DYNC2H1: variants seen among roughly 807,000 people sequenced by gnomAD.
The protein encoded by DYNC2H1 is cytoplasmic dynein 2 heavy chain 1.
In DYNC2H1, 410 loss-of-function variants were observed where a neutral mutation model predicts 570.0. The observed-to-expected ratio is 0.72, with a 90% CI of 0.66 to 0.78. The LOEUF (loss-of-function observed/expected upper bound fraction) is 0.78, where lower values mean the gene tolerates loss of function less well. DYNC2H1 is among the 30% of genes least tolerant of loss of function. The pLI is 0.00. For missense variants in DYNC2H1, 4,865 were observed against 5,046.4 expected (o/e 0.96, Z 1.09); for synonymous variants, 1,688 against 1,677.6 (o/e 1.01, Z -0.15).
intron 84 of DYNC2H1, chr11:103,403,019 T>C (rs1942705684): frequency 1.3e-5 from 2 of 151,974 alleles, no homozygotes; most frequent in African/African-American, 4.8e-5. Flanking sequence ...CCCGAGGAGA[T>C]TGGTCGAGGC....
intron 60 of DYNC2H1, among the ~76,000 whole-genome samples, chr11:103,233,724 G>A (rs1459668742): frequency 6.6e-6 from 1 of 151,660 alleles, no homozygotes; most frequent in Non-Finnish European, 1.5e-5. Flanking sequence ...AAGACAGATG[G>A]GATGTTTAGG....
chr11:103,216,018 A>C, intron 55 of DYNC2H1, 160 bp downstream of exon 55: 3 of 869,862 alleles, frequency 3.4e-6, no homozygotes, highest in East Asian at 5.5e-5. Flanking sequence ...GTGGAAGGGC[A>C]TGGTATTTTC....
chr11:103,242,338 G>C (rs1864454536), intron 63 of DYNC2H1, among the ~76,000 whole-genome samples: 1 of 152,014 alleles, frequency 6.6e-6, no homozygotes, highest in Non-Finnish European at 1.5e-5. Flanking sequence ...TGTAATAAAA[G>C]TTAAGTGAAT....
intron 79 of DYNC2H1, among the ~76,000 whole-genome samples, chr11:103,315,424 C>T (rs747715121): frequency 1.3e-5 from 2 of 152,000 alleles, no homozygotes; most frequent in African/African-American, 4.8e-5. Flanking sequence ...CCTTCCCAAA[C>T]CTTGTATTCT....
intron 83 of DYNC2H1, among the ~76,000 whole-genome samples, chr11:103,388,487 T>A (rs1270713251): frequency 6.6e-6 from 1 of 152,084 alleles, no homozygotes; most frequent in African/African-American, 2.4e-5. Flanking sequence ...TAATTGAATA[T>A]CCTTTATTTC....
intron 17 of DYNC2H1, among the ~76,000 whole-genome samples, chr11:103,138,157 A>G (rs893576192): frequency 1.3e-5 from 2 of 152,132 alleles, no homozygotes; most frequent in South Asian, 2.1e-4. Context: ...TAGATATCCA[A>G]TCATGTCATC....
Position 103,263,535 on chromosome 11 carries a change from T to C in DYNC2H1, c.10695+3558T>C, listed in dbSNP as rs571396825. 3.9e-5 allele frequency among the ~76,000 whole-genome samples: 6 copies of C among 152,010 alleles called. No individual in the cohort carries two copies. The East Asian group carries it at 1.2e-3, about 29-fold the overall frequency. On this transcript the variant is annotated intron_variant, in intron 70 of 88. Coordinates refer to ENST00000375735, the MANE Select transcript of DYNC2H1 (RefSeq NM_001377.3). ...TCTCTCACAACACAGTGCAATCAAA[T>C]TAGAACTAAGGATTAAGAAACTCAC...
chr11:103,474,104 AG>A (rs1430363100), intron 88 of DYNC2H1: 4 of 238,028 alleles, frequency 1.7e-5, no homozygotes, highest in African/African-American at 9.3e-5. Context: ...TTATTATGAA[AG>A]TAATGATGTT....
intron 82 of DYNC2H1, among the ~76,000 whole-genome samples, chr11:103,335,600 C>A (rs1939078220): frequency 6.6e-6 from 1 of 151,872 alleles, no homozygotes; most frequent in Non-Finnish European, 1.5e-5. Flanking sequence ...TTTTATATTG[C>A]TAGAATTATA....
At chr11:103,138,712 A>G (rs1859714310) in intron 17 of DYNC2H1, among the ~76,000 whole-genome samples, 1 of 152,142 alleles carries the variant, frequency 6.6e-6, no homozygotes, top group African/African-American at 2.4e-5. Context: ...TGGTGTCAGG[A>G]TGACACTGGC....
At chr11:103,263,036 A>C (rs536151612) in intron 70 of DYNC2H1, among the ~76,000 whole-genome samples, 5,121 of 149,526 alleles carry the variant, frequency 0.034, 345 homozygotes, top group African/African-American at 0.12. Flanking sequence ...AAAAAAAAAA[A>C]AAAAAAAAAA....
At chr11:103,307,015 T>A (rs2135404414) in intron 77 of DYNC2H1, among the ~76,000 whole-genome samples, 1 of 152,250 alleles carries the variant, frequency 6.6e-6, no homozygotes, top group South Asian at 2.1e-4. Flanking sequence ...AGTGAAGAGT[T>A]GGAGAAGATA....
chr11:103,323,813 C>G (rs1591578334), intron 81 of DYNC2H1, 73 bp from the exon 82 acceptor site: 3 of 1,121,292 alleles, frequency 2.7e-6, no homozygotes, highest in East Asian at 2.7e-5. Context: ...TCAAAGTATT[C>G]TTTCTTATTT....
intron 63 of DYNC2H1, among the ~76,000 whole-genome samples, chr11:103,237,557 A>T (rs915021002): frequency 5.9e-5 from 9 of 151,760 alleles, no homozygotes; most frequent in African/African-American, 1.7e-4. Context: ...TACTTTTAAA[A>T]TTTTTTTTAT....
intron 85 of DYNC2H1, among the ~76,000 whole-genome samples, chr11:103,447,072 G>A (rs544164685): frequency 1.3e-5 from 2 of 152,158 alleles, no homozygotes; most frequent in East Asian, 3.9e-4. Flanking sequence ...AAAAGTCAGG[G>A]AAATGGTAAA....
intron 83 of DYNC2H1, among the ~76,000 whole-genome samples, chr11:103,393,761 T>C (rs1250214434): frequency 6.6e-6 from 1 of 152,192 alleles, no homozygotes; most frequent in Non-Finnish European, 1.5e-5. Context: ...GAAAGAGGTT[T>C]AATGAACTTA....
chr11:103,340,069 C>G (rs7483434), intron 82 of DYNC2H1, among the ~76,000 whole-genome samples: 33,029 of 152,186 alleles, frequency 0.22, 3,727 homozygotes, highest in Admixed American at 0.31. Flanking sequence ...GGTTACCTAG[C>G]TTATCCTTCC....
chr11:103,470,685 G>A (rs11225818), intron 88 of DYNC2H1, among the ~76,000 whole-genome samples: 4,429 of 152,174 alleles, frequency 0.029, 84 homozygotes, highest in East Asian at 0.059. Flanking sequence ...ATGTCCTTGC[G>A]ATAGTTTGCT....
chr11:103,417,534 A>G (rs999216325), intron 84 of DYNC2H1, among the ~76,000 whole-genome samples: 6 of 152,202 alleles, frequency 3.9e-5, no homozygotes, highest in Non-Finnish European at 8.8e-5. Context: ...AAAATGTAAA[A>G]TGGATAATGC....
Sources: allele counts gnomAD v4.1 joint callset (sites outside exome capture counted in the v4.1 genomes callset), GRCh38; gene constraint gnomAD v4.1.1; transcripts MANE v1.5; gene names NCBI Gene and HGNC (gene_info 2026-07-23, HGNC 2026-07-21).